TXNDC11: variants seen among roughly 807,000 people sequenced by gnomAD.
The protein encoded by TXNDC11 is thioredoxin domain-containing protein 11.
TXNDC11 carries 68 observed loss-of-function variants against 78.0 expected under a neutral mutation model. The observed-to-expected ratio is 0.87, with a 90% CI of 0.72 to 1.07. TXNDC11 has a LOEUF of 1.07. TXNDC11 is among the 50% of genes least tolerant of loss of function. The pLI, the probability that TXNDC11 is intolerant of heterozygous loss-of-function variation, is 0.00. For synonymous variants in TXNDC11, 571 were observed against 495.2 expected (o/e 1.15, Z -2.03); for missense variants, 1,389 against 1,221.8 (o/e 1.14, Z -2.04).
intron 5 of TXNDC11, among the ~76,000 whole-genome samples, chr16:11,701,851 A>G (rs1426671426): frequency 6.6e-6 from 1 of 152,184 alleles, no homozygotes; most frequent in Non-Finnish European, 1.5e-5. Context: ...CAGCTGCTGT[A>G]CCGACTACAA....
intron 4 of TXNDC11, among the ~76,000 whole-genome samples, chr16:11,725,176 C>G (rs961375489): frequency 6.6e-6 from 1 of 152,114 alleles, no homozygotes; most frequent in Non-Finnish European, 1.5e-5. Context: ...GTAGTGCTTA[C>G]CTGGGTAGAA....
chr16:11,734,852 G>C (rs115284063), intron 2 of TXNDC11, among the ~76,000 whole-genome samples: 2 of 152,300 alleles, frequency 1.3e-5, no homozygotes, highest in African/African-American at 4.8e-5. Context: ...GAGAGTCTTA[G>C]AAATCTGTGG....
intron 10 of TXNDC11, among the ~76,000 whole-genome samples, chr16:11,687,083 T>C (rs1394317328): frequency 6.6e-6 from 1 of 152,218 alleles, no homozygotes; most frequent in African/African-American, 2.4e-5. Flanking sequence ...GGAAAATATA[T>C]TAATGGTCCC....
intron 1 of TXNDC11, among the ~76,000 whole-genome samples, chr16:11,737,990 A>G (rs2052277068): frequency 6.6e-6 from 1 of 152,220 alleles, no homozygotes; most frequent in Non-Finnish European, 1.5e-5. Flanking sequence ...AGGCATAAGG[A>G]TGGGAAAAGA....
chr16:11,741,063 A>G (rs2052376531), intron 1 of TXNDC11, among the ~76,000 whole-genome samples: 1 of 152,164 alleles, frequency 6.6e-6, no homozygotes, highest in Admixed American at 6.5e-5. Flanking sequence ...CAGCCCCCAC[A>G]ACACAGAATT....
chr16:11,680,382 G>A (rs2050392642), intron 11 of TXNDC11, among the ~76,000 whole-genome samples: 1 of 152,214 alleles, frequency 6.6e-6, no homozygotes, highest in African/African-American at 2.4e-5. Context: ...CCATTCCCCA[G>A]GTACATCTGG....
Position 11,733,923 on chromosome 16 carries a change from T to C in TXNDC11, c.569+59A>G, listed in dbSNP as rs1053238064. The C allele has an allele frequency of 2.6e-5, 33 of 1,291,330 alleles. No homozygotes were observed. The African/African-American group carries it at 4.3e-4, about 17-fold the overall frequency. 80.0% of individuals were successfully genotyped at this position (1,291,330 alleles called of 1,614,324 possible). On this transcript the variant is annotated intron_variant, in intron 3 of 11. Transcript: ENST00000283033. ...ACTTTAATATAGAAAAAATGCAAAATTCATTTATAAACTGGCAAACTAAAC... is the reference window on the plus strand; with the variant it reads ...ACTTTAATATAGAAAAAATGCAAAACTCATTTATAAACTGGCAAACTAAAC...
At position 11,690,647 on chromosome 16, in the gene TXNDC11, G is replaced by C. The variant is rs2050689346; in HGVS notation, c.1900+643C>G. The C allele has an allele frequency of 2.0e-5, 3 of 152,366 alleles. No homozygotes were observed. In the South Asian group the frequency reaches 6.2e-4, roughly 31 times the overall value. 9.4% of individuals were successfully genotyped at this position (152,366 alleles called of 1,614,324 possible). A position where few individuals can be genotyped will look rare whatever the true frequency, so the allele number is the denominator to read the frequency against. ...TGCTCACTGCAAGCTCTGCCTCCCAGGTTCACGACATTCTCCTGCCTCAGC... is the reference window on the plus strand; with the variant it reads ...TGCTCACTGCAAGCTCTGCCTCCCACGTTCACGACATTCTCCTGCCTCAGC... On this transcript the variant is annotated intron_variant, in intron 8 of 11. Transcript: ENST00000283033.
intron 5 of TXNDC11, among the ~76,000 whole-genome samples, chr16:11,702,694 A>T (rs545513158): frequency 2.0e-4 from 30 of 152,036 alleles, no homozygotes; most frequent in Admixed American, 6.6e-4. Context: ...AAATAAATAA[A>T]TTTTTTTTTA....
At position 11,742,646 on chromosome 16, in the gene TXNDC11, C is replaced by A; in HGVS notation, c.85G>T (p.Gly29Cys). The A allele has an allele frequency of 2.1e-6, 3 of 1,460,436 alleles. No individual in the cohort carries two copies. Among genetic ancestry groups the A allele is most frequent in the South Asian group, 1.3e-5 (1 of 76,172 alleles). The allele number at this position is 1,460,436 out of a possible 1,614,324, so 90.5% of individuals were successfully genotyped here. The change falls in exon 1 of 12, where the codon GGC becomes TGC. Residue 29 changes from glycine to cysteine, a missense_variant. Gly to Cys is a radical substitution (Grantham distance 159). Transcript: ENST00000283033. ...GGGCTCGAGCTGAGGCAGTCTGAGC[C>A]CGCGGGGCCGCCGCCGCCCCCTCCC... ...DEGGGGGGPA[G>C]SDCLSSSPTL...
At chr16:11,703,027 G>A (rs1267470899) in intron 5 of TXNDC11, among the ~76,000 whole-genome samples, 1 of 152,182 alleles carries the variant, frequency 6.6e-6, no homozygotes, top group African/African-American at 2.4e-5. Flanking sequence ...CTGGCACTGA[G>A]TAGGCCTTTT....
At position 11,742,710 on chromosome 16, in the gene TXNDC11, G is replaced by A; in HGVS notation, c.21C>T (p.Arg7=). The change falls in exon 1 of 12, where the codon CGC becomes CGT. Residue 7 remains arginine, a synonymous_variant. Coordinates refer to ENST00000283033, the MANE Select transcript of TXNDC11 (RefSeq NM_015914.7). MSECGG[R]GGGSSSSEDA... ...CCTCGCTGCTGCTGCTGCCGCCGCC[G>A]CGGCCTCCGCATTCCGACATTACAT... 1 of 1,482,022 alleles carries A rather than the reference G, an allele frequency of 6.7e-7. No individual in the cohort carries two copies. Among genetic ancestry groups the A allele is most frequent in the Non-Finnish European group, 8.9e-7 (1 of 1,126,818 alleles). The allele number at this position is 1,482,022 out of a possible 1,614,324, so 91.8% of individuals were successfully genotyped here. A position where few individuals can be genotyped will look rare whatever the true frequency, so the allele number is the denominator to read the frequency against.
intron 5 of TXNDC11, among the ~76,000 whole-genome samples, chr16:11,719,999 A>G (rs971654896): frequency 2.0e-5 from 3 of 152,184 alleles, no homozygotes; most frequent in Non-Finnish European, 4.4e-5. Flanking sequence ...GCGAGTGGAT[A>G]CCAGTTATGT....
In TXNDC11 at chr16:11,698,261, T is replaced by C. The variant is rs750249143; in HGVS notation, c.971A>G (p.Gln324Arg). The C allele has an allele frequency of 4.6e-5, 75 of 1,614,080 alleles. 1 individual carries two copies. The highest frequency in any genetic ancestry group is 1.7e-4 in the Admixed American group (10 of 60,008). Residue 324 changes from glutamine (Q) to arginine (R), a missense_variant, in exon 7 of 12, where the codon CAG becomes CGG. Coordinates refer to ENST00000283033, the MANE Select transcript of TXNDC11 (RefSeq NM_015914.7). ...ENICKWALENQETLFRWLRPH... is the reference protein window; with the variant it reads ...ENICKWALENRETLFRWLRPH... ...CCGCAGCCACCGAAAGAGCGTCTCCTGGTTTTCTAAGGCCCACTTACAGAT... is the reference window on the plus strand; with the variant it reads ...CCGCAGCCACCGAAAGAGCGTCTCCCGGTTTTCTAAGGCCCACTTACAGAT...
chr16:11,680,499 A>C (rs1415653520), intron 11 of TXNDC11, among the ~76,000 whole-genome samples: 1 of 152,142 alleles, frequency 6.6e-6, no homozygotes, highest in Non-Finnish European at 1.5e-5. Flanking sequence ...TGACATAGAA[A>C]GGGGTTTTCC....
intron 11 of TXNDC11, among the ~76,000 whole-genome samples, chr16:11,681,282 C>T (rs1288830952): frequency 6.6e-6 from 1 of 152,260 alleles, no homozygotes; most frequent in Admixed American, 6.5e-5. Flanking sequence ...TTCTGCGGCA[C>T]AAGCCTGGTC....
Position 11,684,319 on chromosome 16 carries a change from A to G in TXNDC11, c.2154-74T>C, listed in dbSNP as rs945046320. The G allele has an allele frequency of 3.6e-6, 4 of 1,121,130 alleles. No individual in the cohort carries two copies. The African/African-American group carries it at 4.7e-5, about 13-fold the overall frequency. The allele number at this position is 1,121,130 out of a possible 1,614,324, so 69.4% of individuals were successfully genotyped here. A position where few individuals can be genotyped will look rare whatever the true frequency, so the allele number is the denominator to read the frequency against. On this transcript the variant is annotated intron_variant, in intron 10 of 11. Transcript: ENST00000283033. ...CCAACTTGAAAGAACCTTCTCAGAT[A>G]ACTTCAAGAACCTGGTGCATTTTTT... is the stretch of plus-strand genomic sequence containing the variant.
In TXNDC11 at chr16:11,698,108, C is replaced by T; in HGVS notation, c.1107+17G>A. ...TTCCTACTCCTCATGAGGTGCTTTT[C>T]ACATCACAGCTCTTACCTCGTCTAT... is the stretch of plus-strand genomic sequence containing the variant. On this transcript the variant is annotated intron_variant, in intron 7 of 11. Coordinates refer to ENST00000283033, the MANE Select transcript of TXNDC11 (RefSeq NM_015914.7). 6.2e-7 allele frequency: 1 copy of T among 1,613,608 alleles called. No homozygotes were observed. Among genetic ancestry groups the T allele is most frequent in the Non-Finnish European group, 8.5e-7 (1 of 1,179,498 alleles).
chr16:11,701,281 C>T (rs971074433), intron 5 of TXNDC11, among the ~76,000 whole-genome samples: 2 of 151,700 alleles, frequency 1.3e-5, no homozygotes, highest in South Asian at 2.1e-4. Flanking sequence ...CAATTACAGG[C>T]GTGTGCCACC....
Sources: gnomAD v4.1 joint callset for allele counts (sites outside exome capture counted in the v4.1 genomes callset) on GRCh38, gnomAD v4.1.1 for gene constraint, MANE v1.5 for transcripts, NCBI Gene and HGNC (gene_info 2026-07-23, HGNC 2026-07-21) for gene names.